SLC1A1: variants seen among roughly 807,000 people sequenced by gnomAD.
SLC1A1 encodes the protein excitatory amino acid transporter 3.
In SLC1A1, 43 loss-of-function variants were observed where a neutral mutation model predicts 53.3. The ratio of observed to expected loss-of-function variants is 0.81; its 90% CI spans 0.63 to 1.04. The LOEUF is 1.04. Ranked by LOEUF, SLC1A1 falls within the 50% of genes least tolerant of loss-of-function variation. The pLI is 0.00. For synonymous variants in SLC1A1, 307 were observed against 243.2 expected, an observed-to-expected ratio of 1.26 and a Z score of -2.44; for missense variants, 748 against 664.9, an observed-to-expected ratio of 1.12 and a Z score of -1.37.
chr9:4,514,962 G>A (rs528687445), intron 1 of SLC1A1, among the ~76,000 whole-genome samples: 19 of 152,080 alleles, frequency 1.2e-4, no homozygotes, highest in African/African-American at 4.6e-4. Context: ...TCTTCTGACT[G>A]GGCTGGCAGG....
At chr9:4,504,640 T>G (rs1454981614) in intron 1 of SLC1A1, among the ~76,000 whole-genome samples, 2 of 152,224 alleles carry the variant, frequency 1.3e-5, no homozygotes, top group African/African-American at 4.8e-5. Flanking sequence ...CTTGAAGTGA[T>G]GGAGATAAAG....
intron 7 of SLC1A1, among the ~76,000 whole-genome samples, chr9:4,573,132 G>A (rs1019610866): frequency 1.3e-5 from 2 of 152,184 alleles, no homozygotes; most frequent in African/African-American, 2.4e-5. Context: ...GCTACCATCC[G>A]TGAGCATACC....
rs1269558280 is a variant in SLC1A1 at position 4,572,235 on chromosome 9, T to C, written c.614T>C (p.Met205Thr). 2 of 1,613,806 alleles carry C rather than the reference T, an allele frequency of 1.2e-6. No homozygotes were observed. The highest frequency in any genetic ancestry group is 3.3e-5 in the Admixed American group (2 of 60,016). Residue 205 changes from methionine to threonine, a missense_variant, in exon 7 of 12, where the codon ATG (methionine) becomes ACG (threonine). Transcript: ENST00000262352. The stretch of plus-strand genomic sequence containing the variant: ...ACAAAGGAATACAAAATTGTTGGCA[T>C]GTATTCAGATGGCATAAACGTCCTG... ...NKTKEYKIVGMYSDGINVLGL... is the reference protein window; with the variant it reads ...NKTKEYKIVGTYSDGINVLGL...
chr9:4,545,651 A>C (rs1817430935), intron 2 of SLC1A1, among the ~76,000 whole-genome samples: 1 of 152,234 alleles, frequency 6.6e-6, no homozygotes, highest in Non-Finnish European at 1.5e-5. Flanking sequence ...ACCAGCAGTC[A>C]AGTTCTGTGA....
At chr9:4,538,830 G>A (rs1326078991) in intron 1 of SLC1A1, among the ~76,000 whole-genome samples, 1 of 152,178 alleles carries the variant, frequency 6.6e-6, no homozygotes, top group Non-Finnish European at 1.5e-5. Context: ...GGGCAGGATG[G>A]AGAAACTATC....
At chr9:4,576,892 C>A in intron 10 of SLC1A1, 129 bp downstream of exon 10, 1 of 902,172 alleles carries the variant, frequency 1.1e-6, no homozygotes, top group East Asian at 2.5e-5. Context: ...AGTCCCTTCC[C>A]AAGATTAAAT....
At chr9:4,524,294 A>G (rs750530938) in intron 1 of SLC1A1, among the ~76,000 whole-genome samples, 45 of 152,242 alleles carry the variant, frequency 3.0e-4, no homozygotes, top group Non-Finnish European at 2.6e-4. Context: ...GGAATAAATA[A>G]TTGATGGTGG....
At chr9:4,555,205 A>G in intron 2 of SLC1A1, among the ~76,000 whole-genome samples, 2 of 152,350 alleles carry the variant, frequency 1.3e-5, no homozygotes, top group South Asian at 4.1e-4. Flanking sequence ...AGTCATCCAC[A>G]TGGCGAGTTT....
intron 4 of SLC1A1, among the ~76,000 whole-genome samples, chr9:4,565,392 T>C (rs747641465): frequency 3.3e-5 from 5 of 152,182 alleles, no homozygotes; most frequent in Non-Finnish European, 4.4e-5. Flanking sequence ...GACTGGGTAA[T>C]TTATAACGGG....
chr9:4,547,159 T>C (rs758401625), intron 2 of SLC1A1, among the ~76,000 whole-genome samples: 2 of 152,260 alleles, frequency 1.3e-5, no homozygotes, highest in African/African-American at 2.4e-5. Flanking sequence ...CTGGGAAGTA[T>C]AGCCTTTGGC....
At chr9:4,568,298 G>A (rs1330106919) in intron 6 of SLC1A1, among the ~76,000 whole-genome samples, 1 of 151,836 alleles carries the variant, frequency 6.6e-6, no homozygotes, top group African/African-American at 2.4e-5. Context: ...CACACCTATT[G>A]TCCCAGCTAC....
At chr9:4,550,263 C>T (rs957779207) in intron 2 of SLC1A1, among the ~76,000 whole-genome samples, 3 of 152,292 alleles carry the variant, frequency 2.0e-5, no homozygotes, top group South Asian at 2.1e-4. Context: ...ACACTCTACC[C>T]TTGGAAGATT....
intron 6 of SLC1A1, among the ~76,000 whole-genome samples, chr9:4,571,505 G>A (rs1016581618): frequency 2.0e-5 from 3 of 152,058 alleles, no homozygotes; most frequent in African/African-American, 7.2e-5. Flanking sequence ...GCGAAACCCT[G>A]TCTCTACTAA....
At chr9:4,572,758 A>G (rs1251747958) in intron 7 of SLC1A1, among the ~76,000 whole-genome samples, 1 of 152,132 alleles carries the variant, frequency 6.6e-6, no homozygotes. Flanking sequence ...CATGTTGCCC[A>G]GGCTGATCTC....
chr9:4,531,905 C>G (rs1384325412), intron 1 of SLC1A1, among the ~76,000 whole-genome samples: 4 of 152,096 alleles, frequency 2.6e-5, no homozygotes, highest in African/African-American at 9.7e-5. Context: ...CACCAATATC[C>G]ACTGTTCTGC....
intron 2 of SLC1A1, among the ~76,000 whole-genome samples, chr9:4,545,867 G>GCA (rs35001777): frequency 0.12 from 18,395 of 152,206 alleles, 1,353 homozygotes; most frequent in African/African-American, 0.2. Flanking sequence ...TCTCTGCATT[G>GCA]CAGTTTCTTG....
chr9:4,567,394 C>A (rs755557710), intron 5 of SLC1A1, among the ~76,000 whole-genome samples: 17 of 152,298 alleles, frequency 1.1e-4, no homozygotes, highest in South Asian at 2.1e-4. Flanking sequence ...TTGTATTATT[C>A]TTCTATCAAC....
chr9:4,574,683 C>A (rs57436929), intron 8 of SLC1A1, among the ~76,000 whole-genome samples: 7,383 of 152,170 alleles, frequency 0.049, 573 homozygotes, highest in African/African-American at 0.17. Context: ...AATGGTGCCC[C>A]TGGACACCTA....
rs1554679405 is a variant in SLC1A1 at position 4,537,588 on chromosome 9, T to TAA, written c.92-6976_92-6975dup. On this transcript the variant is annotated intron_variant, in intron 1 of 11. Transcript: ENST00000262352. ...CTCAAAAAAATAAAATAAAATAAAATAAAATAAAATAAAAAAAAAAAAAAT... is the reference window on the plus strand; with the variant it reads ...CTCAAAAAAATAAAATAAAATAAAATAAAAAATAAAATAAAAAAAAAAAAAAT... Among the ~76,000 whole-genome samples the TAA allele has an allele frequency of 5.7e-4, 13 of 22,824 alleles. 4 individuals carry two copies. The highest frequency in any genetic ancestry group is 2.1e-3 in the African/African-American group (11 of 5,276). 15.0% of individuals were successfully genotyped at this position (22,824 alleles called of 152,430 possible).
Sources: gnomAD v4.1 joint callset for allele counts (sites outside exome capture counted in the v4.1 genomes callset) on GRCh38, gnomAD v4.1.1 for gene constraint, MANE v1.5 for transcripts, NCBI Gene and HGNC (gene_info 2026-07-23, HGNC 2026-07-21) for gene names.